The following FANCG variants were observed in gnomAD, a reference collection of about 807,000 sequenced individuals.
FANCG encodes Fanconi anemia group G protein.
Under a neutral mutation model 73.3 loss-of-function variants are expected in FANCG, and 67 were observed. The ratio of observed to expected loss-of-function variants is 0.91; its 90% confidence interval spans 0.75 to 1.12. The LOEUF (loss-of-function observed/expected upper bound fraction) is 1.12. Among genes scored for constraint, FANCG ranks in the 50% most tolerant of loss-of-function variants. The pLI, the probability that FANCG is intolerant of heterozygous loss-of-function variation, is 0.00. For missense variants in FANCG, 643 were observed against 735.6 expected, an observed-to-expected ratio of 0.87 and a Z score of 1.46; for synonymous variants, 297 against 311.6, an observed-to-expected ratio of 0.95 and a Z score of 0.49.
Position 35,076,876 on chromosome 9 carries a change from G to T in FANCG, c.778-6C>A. 6.2e-7 allele frequency: 1 copy of T among 1,614,216 alleles called. No homozygotes were observed. The highest frequency in any genetic ancestry group is 1.1e-5 in the South Asian group (1 of 91,086). On this transcript the variant is annotated splice_region_variant and splice_polypyrimidine_tract_variant and intron_variant, in intron 6 of 13. Transcript: ENST00000378643. ...AGTGCTCTCTGTGGATTTCCCTAAAGGGATAGGAGGACACGGGCCTCAGCT... is the reference window on the plus strand; with the variant it reads ...AGTGCTCTCTGTGGATTTCCCTAAATGGATAGGAGGACACGGGCCTCAGCT...
intron 5 of FANCG, 81 bp downstream of exon 5, chr9:35,077,183 G>A (rs1829101079): frequency 3.1e-6 from 5 of 1,612,618 alleles, no homozygotes; most frequent in Non-Finnish European, 4.2e-6. Flanking sequence ...GAAGCCCATG[G>A]AACTGAATGG....
Position 35,075,952 on chromosome 9 carries a change from A to G in FANCG, c.1143+10T>C. On this transcript the variant is annotated intron_variant, in intron 9 of 13. Coordinates refer to ENST00000378643, the MANE Select transcript of FANCG (RefSeq NM_004629.2). The stretch of plus-strand genomic sequence containing the variant: ...TACCCCATTGCAGAGAAGCTTGAAG[A>G]CACACCCACCCTTGGCTCCGAGCTA... The G allele has an allele frequency of 1.2e-6, 2 of 1,614,046 alleles. No homozygotes were observed. The highest frequency in any genetic ancestry group is 1.7e-6 in the Non-Finnish European group (2 of 1,179,924).
Position 35,075,966 on chromosome 9 carries a change from G to A in FANCG, c.1139C>T (p.Pro380Leu). Reference protein sequence around the residue: ...LLALLLDSSEPRFSPPPSPPG... With the variant: ...LLALLLDSSELRFSPPPSPPG... ...GAAGCTTGAAGACACACCCACCCTT[G>A]GCTCCGAGCTATCCAGCAACAGGGC... The change falls in exon 9 of 14, where the codon CCA becomes CTA. Residue 380 changes from proline (P) to leucine (L), a missense_variant. By Grantham distance (98) the Pro-to-Leu change is moderately conservative. Transcript: ENST00000378643. 6.2e-7 allele frequency: 1 copy of A among 1,614,088 alleles called. No homozygotes were observed. Among genetic ancestry groups the A allele is most frequent in the Non-Finnish European group, 8.5e-7 (1 of 1,179,978 alleles).
At position 35,079,560 on chromosome 9, in the gene FANCG, C is replaced by A; in HGVS notation, c.-36G>T. 2 of 1,609,432 alleles carry A rather than the reference C, an allele frequency of 1.2e-6. No homozygotes were observed. The highest frequency in any genetic ancestry group is 1.7e-6 in the Non-Finnish European group (2 of 1,176,222). ...GCTGGGCCCGGAGACCAGAAGCGGACTTAGGAAGGGTGAAGCTGGCCTGCC... is the reference window on the plus strand; with the variant it reads ...GCTGGGCCCGGAGACCAGAAGCGGAATTAGGAAGGGTGAAGCTGGCCTGCC... On this transcript the variant is annotated 5_prime_UTR_variant, in exon 1 of 14. Coordinates refer to ENST00000378643, the MANE Select transcript of FANCG (RefSeq NM_004629.2).
Position 35,076,416 on chromosome 9 carries a change from G to A in FANCG, c.1076+16C>T, listed in dbSNP as rs376714786. On this transcript the variant is annotated intron_variant, in intron 8 of 13. Transcript: ENST00000378643. The stretch of plus-strand genomic sequence containing the variant: ...GAAGTGGGAAGAGAAGCTCAGGTGA[G>A]CAAGGGGAACCTCACCTCCCCGTCT... The A allele has an allele frequency of 1.2e-6, 2 of 1,613,286 alleles. No homozygotes were observed. Among genetic ancestry groups the A allele is most frequent in the Non-Finnish European group, 1.7e-6 (2 of 1,179,960 alleles).
At position 35,079,794 on chromosome 9, in the gene FANCG, T is replaced by C; in HGVS notation, c.-270A>G. The C allele has an allele frequency of 5.7e-6, 3 of 521,836 alleles. No homozygotes were observed. The highest frequency in any genetic ancestry group is 2.0e-5 in the South Asian group (1 of 49,652). 32.3% of individuals were successfully genotyped at this position (521,836 alleles called of 1,614,324 possible). ...GCGGTTGGTCCTCTTGAAGAGTTAG[T>C]TCCCGCGGGAAACTCGGGGAGGAAA... On this transcript the variant is annotated 5_prime_UTR_variant, in exon 1 of 14. Coordinates refer to ENST00000378643, the MANE Select transcript of FANCG (RefSeq NM_004629.2).
rs377131596 is a variant in FANCG, at chr9:35,075,080, C to A, written c.1483G>T (p.Ala495Ser). ...CATCCCTGCTCACAGTTGAAAGCTG[C>A]CCCTGGGGACCACTCCCAAAGTCAA... ...RATPEEKEQG[A>S]AFNCEQGCKS... is the part of the protein sequence containing the mutation. Residue 495 changes from alanine to serine, a missense_variant and splice_region_variant, in exon 12 of 14, where the codon GCA becomes TCA. Coordinates refer to ENST00000378643, the MANE Select transcript of FANCG (RefSeq NM_004629.2). 1.9e-6 allele frequency: 3 copies of A among 1,613,860 alleles called. No homozygotes were observed. The South Asian group carries it at 3.3e-5, about 18-fold the overall frequency.
At chr9:35,078,533 C>T in intron 3 of FANCG, 72 bp downstream of exon 3, 3 of 1,603,520 alleles carry the variant, frequency 1.9e-6, no homozygotes, top group Non-Finnish European at 2.6e-6. Flanking sequence ...TGTTTATCCT[C>T]CCATCTCCCT....
Position 35,075,385 on chromosome 9 carries a change from T to C in FANCG, c.1434-60A>G, listed in dbSNP as rs1829063312. ...TCAATTTCAGAAACTCTAGGGTAAG[T>C]AGGTGAACATGGAGCTCACCAACTC... On this transcript the variant is annotated intron_variant, in intron 10 of 13. Transcript: ENST00000378643. 2.5e-6 allele frequency: 4 copies of C among 1,613,328 alleles called. No individual in the cohort carries two copies. The Admixed American group carries it at 6.7e-5, about 27-fold the overall frequency.
At position 35,075,972 on chromosome 9, in the gene FANCG, G is replaced by C; in HGVS notation, c.1133C>G (p.Ser378Trp). The C allele has an allele frequency of 1.2e-6, 2 of 1,614,088 alleles. No individual in the cohort carries two copies. Among genetic ancestry groups the C allele is most frequent in the Non-Finnish European group, 1.7e-6 (2 of 1,180,014 alleles). ...LDLLALLLDS[S>W]EPRFSPPPSP... ...TGAAGACACACCCACCCTTGGCTCCGAGCTATCCAGCAACAGGGCCAGCAG... is the reference window on the plus strand; with the variant it reads ...TGAAGACACACCCACCCTTGGCTCCCAGCTATCCAGCAACAGGGCCAGCAG... Residue 378 changes from serine to tryptophan, a missense_variant, in exon 9 of 14, where the codon TCG becomes TGG. Coordinates refer to ENST00000378643, the MANE Select transcript of FANCG (RefSeq NM_004629.2).
chr9:35,076,680 C>T, intron 7 of FANCG, 44 bp downstream of exon 7: 1 of 1,614,142 alleles, frequency 6.2e-7, no homozygotes, highest in Non-Finnish European at 8.5e-7. Flanking sequence ...TCACAAGCAC[C>T]TCAGGAATCC....
rs200466062 is a variant in FANCG, at chr9:35,074,413, C to G, written c.1718G>C (p.Arg573Thr). The change falls in exon 13 of 14, where the codon AGG (arginine) becomes ACG (threonine). Residue 573 changes from arginine (R) to threonine (T), a missense_variant. By Grantham distance (71) the Arg-to-Thr change is moderately conservative. Coordinates refer to ENST00000378643, the MANE Select transcript of FANCG (RefSeq NM_004629.2). Reference sequence around the variant, plus strand: ...TGACCCCTTAGTTTGGGCCTCCAGCCTCCACCAGAGTGCAGTGGCCTCATC... The same window carrying G: ...TGACCCCTTAGTTTGGGCCTCCAGCGTCCACCAGAGTGCAGTGGCCTCATC... ...RRDEATALWW[R>T]LEAQTKGSHE... is the part of the protein sequence containing the mutation. 6.8e-6 allele frequency: 11 copies of G among 1,614,122 alleles called. No homozygotes were observed. In the East Asian group the frequency reaches 2.4e-4, roughly 36 times the overall value.
rs1829145099 is a variant in FANCG, at chr9:35,079,499, C to A, written c.26G>T (p.Gly9Val). Reference protein sequence around the residue: MSRQTTSVGSSCLDLWREK... With the variant: MSRQTTSVVSSCLDLWREK... ...CCTCCACAGGTCCAGGCAGCTGGAG[C>A]CCACAGAGGTGGTCTGGCGGGACAT... The change falls in exon 1 of 14, where the codon GGC becomes GTC. Residue 9 changes from glycine to valine, a missense_variant. Transcript: ENST00000378643. The A allele has an allele frequency of 6.2e-7, 1 of 1,614,132 alleles. No individual in the cohort carries two copies. The highest frequency in any genetic ancestry group is 8.5e-7 in the Non-Finnish European group (1 of 1,180,030).
intron 8 of FANCG, 155 bp downstream of exon 8, chr9:35,076,277 A>G (rs1002242077): frequency 1.1e-6 from 1 of 879,684 alleles, no homozygotes; most frequent in Admixed American, 1.9e-5. Context: ...TCCTCAGTTC[A>G]GGTCTAGAAG....
chr9:35,076,632 T>G, intron 7 of FANCG, 49 bp from the exon 8 acceptor site: 1 of 1,614,102 alleles, frequency 6.2e-7, no homozygotes, highest in Non-Finnish European at 8.5e-7. Context: ...GGAGCCATAC[T>G]TCCTTATACT....
rs369622013 is a variant in FANCG at position 35,079,254 on chromosome 9, G to A, written c.85-13C>T. On this transcript the variant is annotated splice_polypyrimidine_tract_variant and intron_variant, in intron 1 of 13. Coordinates refer to ENST00000378643, the MANE Select transcript of FANCG (RefSeq NM_004629.2). ...AGTTCTGAGCCACCTGCCACATGAG[G>A]GAGGGGTTGTCACTGAGGATCAATC... 14 of 1,604,424 alleles carry A rather than the reference G, an allele frequency of 8.7e-6. No homozygotes were observed. Among genetic ancestry groups the A allele is most frequent in the Non-Finnish European group, 1.2e-5 (14 of 1,175,064 alleles).
In FANCG at chr9:35,075,531, T is replaced by G; in HGVS notation, c.1367A>C (p.His456Pro). 2.5e-6 allele frequency: 4 copies of G among 1,614,052 alleles called. No individual in the cohort carries two copies. The highest frequency in any genetic ancestry group is 3.4e-6 in the Non-Finnish European group (4 of 1,179,998). ...PYCPLWVSAT[H>P]LLQGQAWVQL... Reference sequence around the variant, plus strand: ...AACCCAGGCCTGGCCCTGAAGCAGGTGGGTGGCAGAGACCCAGAGTGGGCA... The same window carrying G: ...AACCCAGGCCTGGCCCTGAAGCAGGGGGGTGGCAGAGACCCAGAGTGGGCA... The change falls in exon 10 of 14, where the codon CAC (histidine) becomes CCC (proline). Residue 456 changes from histidine to proline, a missense_variant. Coordinates refer to ENST00000378643, the MANE Select transcript of FANCG (RefSeq NM_004629.2).
At chr9:35,074,563 G>T in intron 12 of FANCG, 69 bp from the exon 13 acceptor site, 1 of 1,599,322 alleles carries the variant, frequency 6.3e-7, no homozygotes, top group South Asian at 1.1e-5. Context: ...TTATAAAAAG[G>T]GAAACTGAGG....
intron 8 of FANCG, 107 bp downstream of exon 8, chr9:35,076,325 C>T (rs925902317): frequency 4.1e-5 from 56 of 1,355,976 alleles, no homozygotes; most frequent in Non-Finnish European, 5.9e-5. Flanking sequence ...CTATGTCCTG[C>T]CACTGCCTCA....
Sources: allele counts gnomAD v4.1 joint callset, GRCh38; gene constraint gnomAD v4.1.1; transcripts MANE v1.5; gene names NCBI Gene and HGNC (gene_info 2026-07-23, HGNC 2026-07-21).